The following CCBE1 variants were observed in gnomAD, a reference collection of about 807,000 sequenced individuals.
The protein encoded by CCBE1 is collagen and calcium binding EGF domains 1, also known as collagen and calcium-binding EGF domain-containing protein 1.
In CCBE1, 37 loss-of-function variants were observed where a neutral mutation model predicts 50.0. The ratio of observed to expected loss-of-function variants is 0.74; its 90% CI spans 0.57 to 0.97. The LOEUF (loss-of-function observed/expected upper bound fraction) is 0.97, where lower values mean the gene tolerates loss of function less well. Among genes scored for constraint, CCBE1 ranks in the 50% least tolerant of loss-of-function variants. CCBE1 has a pLI of 0.00. For missense variants in CCBE1, 538 were observed against 523.8 expected (o/e 1.03, Z -0.26); for synonymous variants, 234 against 203.7 (o/e 1.15, Z -1.27).
chr18:59,658,713 C>G (rs2054239637), intron 2 of CCBE1, among the ~76,000 whole-genome samples: 1 of 151,194 alleles, frequency 6.6e-6, no homozygotes, highest in Non-Finnish European at 1.5e-5. Context: ...AACCCTGTCT[C>G]TACTGAAAAT....
Position 59,439,443 on chromosome 18 carries a change from G to T in CCBE1, c.951+100C>A, listed in dbSNP as rs544855289. 4.2e-6 allele frequency: 6 copies of T among 1,421,142 alleles called. No homozygotes were observed. In the Admixed American group the frequency reaches 8.4e-5, roughly 20 times the overall value. 88.0% of individuals were successfully genotyped at this position (1,421,142 alleles called of 1,614,324 possible). The stretch of plus-strand genomic sequence containing the variant: ...GATTGTGCCATTGCACTCCAGCCTG[G>T]GTGACAGAGCAAGACCATCTCAAAA... On this transcript the variant is annotated intron_variant, in intron 9 of 10. Coordinates refer to ENST00000439986, the MANE Select transcript of CCBE1 (RefSeq NM_133459.4).
At chr18:59,645,882 A>G (rs1415498463) in intron 2 of CCBE1, among the ~76,000 whole-genome samples, 1 of 152,014 alleles carries the variant, frequency 6.6e-6, no homozygotes, top group Non-Finnish European at 1.5e-5. Flanking sequence ...ATACAAAAAA[A>G]TAGCCGGGTG....
At chr18:59,659,819 G>T (rs2054257741) in intron 2 of CCBE1, among the ~76,000 whole-genome samples, 1 of 152,160 alleles carries the variant, frequency 6.6e-6, no homozygotes, top group Non-Finnish European at 1.5e-5. Context: ...TCAAACACAT[G>T]GATGAAAGCT....
At chr18:59,463,556 A>C (rs1911592686) in intron 5 of CCBE1, among the ~76,000 whole-genome samples, 1 of 152,204 alleles carries the variant, frequency 6.6e-6, no homozygotes, top group Admixed American at 6.5e-5. Flanking sequence ...AAATAAACTC[A>C]GCATTTAAAA....
intron 2 of CCBE1, among the ~76,000 whole-genome samples, chr18:59,535,841 T>C (rs1486856537): frequency 6.6e-6 from 1 of 152,140 alleles, no homozygotes; most frequent in African/African-American, 2.4e-5. Context: ...AATAATAAAA[T>C]CAAGATTTAG....
At chr18:59,546,272 A>T (rs532474622) in intron 2 of CCBE1, among the ~76,000 whole-genome samples, 2 of 152,326 alleles carry the variant, frequency 1.3e-5, no homozygotes, top group South Asian at 4.1e-4. Context: ...TCATCAATAA[A>T]CTGCCTGTTC....
chr18:59,638,145 C>A (rs1363504162), intron 2 of CCBE1, among the ~76,000 whole-genome samples: 1 of 152,128 alleles, frequency 6.6e-6, no homozygotes, highest in African/African-American at 2.4e-5. Context: ...CTTAGGAATG[C>A]AGAGTTTGTT....
Position 59,697,310 on chromosome 18 carries a change from A to G in CCBE1, c.33T>C (p.Ala11=), listed in dbSNP as rs775045988. ...GGCTCCTGCCCAGCTGGCCCCTGGC[A>G]GCTCCTCCCCGGCTCGGAGGCGGCG... is the stretch of plus-strand genomic sequence containing the variant. MVPPPPSRGG[A]ARGQLGRSLG... is the part of the protein sequence containing the mutation. The change falls in exon 1 of 11, where the codon GCT becomes GCC. Residue 11 remains alanine, a synonymous_variant. Coordinates refer to ENST00000439986, the MANE Select transcript of CCBE1 (RefSeq NM_133459.4). 2.6e-6 allele frequency: 4 copies of G among 1,548,980 alleles called. No homozygotes were observed. Among genetic ancestry groups the G allele is most frequent in the Non-Finnish European group, 3.5e-6 (4 of 1,146,904 alleles).
At chr18:59,689,744 T>G (rs926687144) in intron 2 of CCBE1, among the ~76,000 whole-genome samples, 7 of 152,232 alleles carry the variant, frequency 4.6e-5, no homozygotes, top group Non-Finnish European at 8.8e-5. Context: ...GGGGCAACTC[T>G]GATGCTGCTA....
At chr18:59,489,362 G>A (rs561343097) in intron 2 of CCBE1, among the ~76,000 whole-genome samples, 40 of 152,276 alleles carry the variant, frequency 2.6e-4, no homozygotes, top group African/African-American at 9.4e-4. Flanking sequence ...GCCCCAAGGG[G>A]CTTTGGAGAC....
intron 2 of CCBE1, among the ~76,000 whole-genome samples, chr18:59,583,611 C>T (rs1303045146): frequency 1.3e-5 from 2 of 151,928 alleles, no homozygotes; most frequent in African/African-American, 4.8e-5. Flanking sequence ...AAAGCTTCTC[C>T]CCTATAAATA....
chr18:59,561,199 A>G (rs1258749269), intron 2 of CCBE1, among the ~76,000 whole-genome samples: 3 of 152,248 alleles, frequency 2.0e-5, no homozygotes, highest in Non-Finnish European at 2.9e-5. Context: ...AGTTTATCAA[A>G]GCTCATGTAT....
chr18:59,689,815 A>C (rs2054705311), intron 2 of CCBE1, among the ~76,000 whole-genome samples: 1 of 152,174 alleles, frequency 6.6e-6, no homozygotes. Flanking sequence ...TCACATTGCA[A>C]TAATTCTTGG....
chr18:59,582,544 T>C (rs2053101116), intron 2 of CCBE1, among the ~76,000 whole-genome samples: 1 of 152,180 alleles, frequency 6.6e-6, no homozygotes, highest in Admixed American at 6.5e-5. Flanking sequence ...GACTCTTGGC[T>C]TAAGAACTCA....
chr18:59,552,424 T>C (rs1375308878), intron 2 of CCBE1, among the ~76,000 whole-genome samples: 1 of 152,210 alleles, frequency 6.6e-6, no homozygotes, highest in Non-Finnish European at 1.5e-5. Flanking sequence ...GAACTTCTCT[T>C]GTCTCCATCC....
At chr18:59,595,114 C>T (rs1389211693) in intron 2 of CCBE1, among the ~76,000 whole-genome samples, 2 of 73,580 alleles carry the variant, frequency 2.7e-5, no homozygotes, top group South Asian at 9.8e-4. Context: ...GACTCTGTCT[C>T]AAAAAAAAAA....
chr18:59,548,376 C>G (rs1005038997), intron 2 of CCBE1, among the ~76,000 whole-genome samples: 1 of 152,194 alleles, frequency 6.6e-6, no homozygotes, highest in Admixed American at 6.5e-5. Context: ...TAAAGGAAAA[C>G]TTAAGAGGAT....
intron 2 of CCBE1, among the ~76,000 whole-genome samples, chr18:59,539,149 C>T (rs1466685117): frequency 1.3e-5 from 2 of 151,434 alleles, no homozygotes; most frequent in African/African-American, 4.9e-5. Context: ...GCACTCCATC[C>T]TGGGCTATAG....
Position 59,580,653 on chromosome 18 carries a change from G to C in CCBE1, c.213-100415C>G, listed in dbSNP as rs140768581. On this transcript the variant is annotated intron_variant, in intron 2 of 10. Transcript: ENST00000439986. ...GAGTCCCCAAAATGTAAAGCGACTT[G>C]CCCAAAGTAGGAGCTGGTGTCTGGA... 2.0e-3 allele frequency among the ~76,000 whole-genome samples: 300 copies of C among 152,334 alleles called. 4 individuals are homozygous for C. In the East Asian group the frequency reaches 0.03, roughly 15 times the overall value.
Sources: allele counts gnomAD v4.1 joint callset (sites outside exome capture counted in the v4.1 genomes callset), GRCh38; gene constraint gnomAD v4.1.1; transcripts MANE v1.5; gene names NCBI Gene and HGNC (gene_info 2026-07-23, HGNC 2026-07-21).